SH3GL2: variants seen among roughly 807,000 people sequenced by gnomAD.
The protein encoded by SH3GL2 is endophilin-A1.
In SH3GL2, 24 loss-of-function variants were observed where a neutral mutation model predicts 46.0. That is an observed-to-expected ratio of 0.52 (90% CI 0.38 to 0.73). SH3GL2 has a LOEUF of 0.73. SH3GL2 is among the 30% of genes least tolerant of loss of function. The pLI, the probability that SH3GL2 is intolerant of heterozygous loss-of-function variation, is 0.00. For synonymous variants in SH3GL2, 196 were observed against 147.1 expected (o/e 1.33, Z -2.40); for missense variants, 413 against 424.2 (o/e 0.97, Z 0.23).
At chr9:17,685,731 C>A (rs1243724342) in intron 1 of SH3GL2, among the ~76,000 whole-genome samples, 1 of 152,042 alleles carries the variant, frequency 6.6e-6, no homozygotes, top group Non-Finnish European at 1.5e-5. Context: ...TTGTTTTTCT[C>A]AGGTTTGTCA....
At chr9:17,624,438 G>A (rs1294881558) in intron 1 of SH3GL2, among the ~76,000 whole-genome samples, 5 of 152,254 alleles carry the variant, frequency 3.3e-5, no homozygotes, top group African/African-American at 7.2e-5. Flanking sequence ...TGATAGGTGC[G>A]CAAACATGAT....
intron 1 of SH3GL2, among the ~76,000 whole-genome samples, chr9:17,669,505 G>C (rs1403230014): frequency 6.6e-6 from 1 of 152,148 alleles, no homozygotes; most frequent in Non-Finnish European, 1.5e-5. Context: ...AGTGGCATTA[G>C]AAAAGCAGAA....
chr9:17,702,960 C>G (rs1202644080), intron 1 of SH3GL2, among the ~76,000 whole-genome samples: 1 of 152,072 alleles, frequency 6.6e-6, no homozygotes, highest in Non-Finnish European at 1.5e-5. Flanking sequence ...AATCCTGGAT[C>G]TTGCTCTGAC....
chr9:17,677,408 T>C (rs1820639210), intron 1 of SH3GL2, among the ~76,000 whole-genome samples: 1 of 152,122 alleles, frequency 6.6e-6, no homozygotes, highest in Non-Finnish European at 1.5e-5. Context: ...CTTTGAAATA[T>C]TATCAATGAC....
intron 1 of SH3GL2, among the ~76,000 whole-genome samples, chr9:17,664,536 A>G (rs1178885814): frequency 1.3e-5 from 2 of 152,214 alleles, no homozygotes; most frequent in South Asian, 2.1e-4. Flanking sequence ...TGAAAAAGGC[A>G]AGTTTTTCAT....
At chr9:17,701,488 G>A (rs1019618189) in intron 1 of SH3GL2, among the ~76,000 whole-genome samples, 1 of 152,034 alleles carries the variant, frequency 6.6e-6, no homozygotes, top group Non-Finnish European at 1.5e-5. Flanking sequence ...TGAGTCACAA[G>A]CATGAGTATA....
chr9:17,761,544 C>T (rs114217040), intron 3 of SH3GL2, 35 bp downstream of exon 3: 16 of 1,262,784 alleles, frequency 1.3e-5, no homozygotes, highest in Middle Eastern at 1.8e-4. Flanking sequence ...AAGGATCCCT[C>T]GAGGTAACTT....
chr9:17,720,476 C>G (rs568205199), intron 1 of SH3GL2, among the ~76,000 whole-genome samples: 1 of 151,984 alleles, frequency 6.6e-6, no homozygotes, highest in Non-Finnish European at 1.5e-5. Context: ...AATGAGGTAC[C>G]GAGACAGCTG....
At chr9:17,733,308 G>A (rs10810841) in intron 1 of SH3GL2, among the ~76,000 whole-genome samples, 28,576 of 150,248 alleles carry the variant, frequency 0.19, 3,319 homozygotes, top group East Asian at 0.38. Context: ...TAAGTTTTAG[G>A]GTACATGTGC....
intron 1 of SH3GL2, among the ~76,000 whole-genome samples, chr9:17,584,104 A>G (rs1818325706): frequency 1.3e-5 from 2 of 152,190 alleles, no homozygotes; most frequent in African/African-American, 4.8e-5. Flanking sequence ...TTATAAAATT[A>G]TAAGTAACAT....
intron 1 of SH3GL2, among the ~76,000 whole-genome samples, chr9:17,604,509 G>GA (rs1346037823): frequency 6.6e-6 from 1 of 152,204 alleles, no homozygotes; most frequent in Non-Finnish European, 1.5e-5. Flanking sequence ...AGCCTTTAGG[G>GA]ACAGAGGTTT....
At chr9:17,591,486 A>G (rs372272710) in intron 1 of SH3GL2, among the ~76,000 whole-genome samples, 3 of 152,304 alleles carry the variant, frequency 2.0e-5, no homozygotes, top group African/African-American at 7.2e-5. Context: ...TATTTAGATT[A>G]CATAAATTGC....
intron 1 of SH3GL2, among the ~76,000 whole-genome samples, chr9:17,739,828 T>A (rs1822471687): frequency 6.6e-6 from 1 of 152,112 alleles, no homozygotes; most frequent in African/African-American, 2.4e-5. Context: ...CTATGGGAAT[T>A]TTTCACCTCG....
chr9:17,713,937 T>C (rs538660458), intron 1 of SH3GL2, among the ~76,000 whole-genome samples: 1 of 151,834 alleles, frequency 6.6e-6, no homozygotes, highest in Admixed American at 6.6e-5. Flanking sequence ...TATCTGACAA[T>C]TTTCTGTCCA....
At chr9:17,691,530 A>G (rs1313186065) in intron 1 of SH3GL2, among the ~76,000 whole-genome samples, 1 of 152,176 alleles carries the variant, frequency 6.6e-6, no homozygotes, top group Non-Finnish European at 1.5e-5. Context: ...TAACGTTCTA[A>G]GCCTGATCTT....
rs532877772 is a variant in SH3GL2 at position 17,728,824 on chromosome 9, C to T, written c.46-18242C>T. ...ATGAACTCATTATTTTTTATGGCTG[C>T]ATAGTATTCCATGGTGTATATGTGC... is the stretch of plus-strand genomic sequence containing the variant. On this transcript the variant is annotated intron_variant, in intron 1 of 8. Coordinates refer to ENST00000380607, the MANE Select transcript of SH3GL2 (RefSeq NM_003026.5). Among the ~76,000 whole-genome samples, 322 of 152,258 alleles carry T rather than the reference C, an allele frequency of 2.1e-3. 3 individuals carry two copies. The highest frequency in any genetic ancestry group is 7.5e-3 in the African/African-American group (310 of 41,538).
intron 1 of SH3GL2, among the ~76,000 whole-genome samples, chr9:17,621,926 T>G (rs1187826357): frequency 2.6e-5 from 4 of 152,222 alleles, no homozygotes; most frequent in Non-Finnish European, 4.4e-5. Context: ...TCTACAACCC[T>G]TAATTTTTAT....
chr9:17,731,014 G>C (rs1426697346), intron 1 of SH3GL2, among the ~76,000 whole-genome samples: 1 of 152,114 alleles, frequency 6.6e-6, no homozygotes, highest in African/African-American at 2.4e-5. Flanking sequence ...TTCAGAGAGA[G>C]CCATATGTTC....
intron 1 of SH3GL2, among the ~76,000 whole-genome samples, chr9:17,746,500 C>T (rs1210723693): frequency 6.6e-6 from 1 of 152,176 alleles, no homozygotes; most frequent in Non-Finnish European, 1.5e-5. Context: ...CAACAGCTTT[C>T]TATATGTTTT....
Sources: allele counts gnomAD v4.1 joint callset (sites outside exome capture counted in the v4.1 genomes callset), GRCh38; gene constraint gnomAD v4.1.1; transcripts MANE v1.5; gene names NCBI Gene and HGNC (gene_info 2026-07-23, HGNC 2026-07-21).